Variants in FASN observed in about 807,000 individuals in gnomAD.
FASN encodes 3-hydroxyacyl-[acyl-carrier-protein] dehydratase.
In FASN, 50 loss-of-function variants were observed where a neutral mutation model predicts 250.0. That is an observed-to-expected ratio of 0.20 (90% CI 0.16 to 0.25). The LOEUF (loss-of-function observed/expected upper bound fraction) is 0.25. Among genes scored for constraint, FASN ranks in the 10% least tolerant of loss-of-function variants. The pLI is 1.00. For missense variants in FASN, 3,031 were observed against 3,498.5 expected (o/e 0.87, Z 3.37); for synonymous variants, 1,909 against 1,584.0 (o/e 1.21, Z -4.87).
At position 82,089,661 on chromosome 17, in the gene FASN, T is replaced by C; in HGVS notation, c.1936A>G (p.Lys646Glu). Residue 646 changes from lysine (K) to glutamate (E), a missense_variant, in exon 12 of 43, where the codon AAG becomes GAG. By Grantham distance (56) the Lys-to-Glu change is moderately conservative (BLOSUM62 1). Transcript: ENST00000306749. ...GGTCCCGAGATGGTGACTGTGTCCT[T>C]GGAGTTGTGGCAGGCGGGCACCACG... is the stretch of plus-strand genomic sequence containing the variant. ...PGVVPACHNSKDTVTISGPQA... is the reference protein window; with the variant it reads ...PGVVPACHNSEDTVTISGPQA... The C allele has an allele frequency of 1.9e-6, 3 of 1,605,554 alleles. No individual in the cohort carries two copies. Among genetic ancestry groups the C allele is most frequent in the African/African-American group, 2.7e-5 (2 of 74,932 alleles).
chr17:82,081,265 G>A lies in FASN; in HGVS notation c.6494C>T (p.Thr2165Met), dbSNP rs745914935. The change falls in exon 38 of 43, where the codon ACG becomes ATG. Residue 2165 changes from threonine to methionine, a missense_variant. By Grantham distance (81) the Thr-to-Met change is moderately conservative. Transcript: ENST00000306749. ...CACCAGGTTGAGCTCACGCTCCAGCGTCTGGCGCACCTCCACGCTCATGAG... is the reference window on the plus strand; with the variant it reads ...CACCAGGTTGAGCTCACGCTCCAGCATCTGGCGCACCTCCACGCTCATGAG... ...DSLMSVEVRQ[T>M]LERELNLVLS... 23 of 1,570,704 alleles carry A rather than the reference G, an allele frequency of 1.5e-5. No homozygotes were observed. The highest frequency in any genetic ancestry group is 7.5e-5 in the Admixed American group (4 of 53,420).
At chr17:82,080,008 G>T in intron 41 of FASN, 132 bp downstream of exon 41, 1 of 1,014,176 alleles carries the variant, frequency 9.9e-7, no homozygotes, top group Admixed American at 1.8e-5. Context: ...GCATCCGGCC[G>T]GGATCGGCTA....
At position 82,095,199 on chromosome 17, in the gene FASN, C is replaced by T. The variant is rs1598585172; in HGVS notation, c.280+121G>A. The T allele has an allele frequency of 3.1e-6, 4 of 1,270,722 alleles. No individual in the cohort carries two copies. The South Asian group carries it at 3.6e-5, about 11-fold the overall frequency. 78.7% of individuals were successfully genotyped at this position (1,270,722 alleles called of 1,614,324 possible). A position where few individuals can be genotyped will look rare whatever the true frequency, so the allele number is the denominator to read the frequency against. On this transcript the variant is annotated intron_variant, in intron 3 of 42. Transcript: ENST00000306749. ...GAGCCCGTTGGCCAGGCCAGGGGCA[C>T]AGCCGGGGAGGGTAGGTGGTGCCAG...
At chr17:82,088,602 G>C (rs749211260) in intron 15 of FASN, 40 bp from the exon 16 acceptor site, 1 of 1,589,446 alleles carries the variant, frequency 6.3e-7, no homozygotes, top group Admixed American at 1.7e-5. Flanking sequence ...CCCGTCACCG[G>C]GGTCCAGGGG....
chr17:82,087,687 T>C lies in FASN; in HGVS notation c.3041A>G (p.Glu1014Gly). 1 of 1,611,360 alleles carries C rather than the reference T, an allele frequency of 6.2e-7. No individual in the cohort carries two copies. Among genetic ancestry groups the C allele is most frequent in the Non-Finnish European group, 8.5e-7 (1 of 1,179,970 alleles). Residue 1014 changes from glutamate to glycine, a missense_variant and splice_region_variant, in exon 19 of 43, where the codon GAA becomes GGA. Transcript: ENST00000306749. Reference protein sequence around the residue: ...HFQGILEASLEGDSGRLLWKD... With the variant: ...HFQGILEASLGGDSGRLLWKD... ...GCAGCAGTGTAGTCAGTACCCACCT[T>C]CCAGGCTGGCCTCCAGGATGCCCTG...
chr17:82,095,226 A>G, intron 3 of FASN, 94 bp downstream of exon 3: 1 of 1,416,898 alleles, frequency 7.1e-7, no homozygotes, highest in South Asian at 1.1e-5. Flanking sequence ...TGGTGCCAGC[A>G]CCTGGTTCTA....
Position 82,083,542 on chromosome 17 carries a change from GA to G in FASN, c.5315del (p.Phe1772SerfsTer15). The G allele has an allele frequency of 6.2e-7, 1 of 1,612,822 alleles. No individual in the cohort carries two copies. The highest frequency in any genetic ancestry group is 8.5e-7 in the Non-Finnish European group (1 of 1,179,998). ...THGRFLEIGK[F>X]DLSQNHPLGM... ...CGAGCGGGTGGTTCTGAGAAAGGTC[GA>G]ATTTGCCAATTTCCAGGAAGCGACC... On this transcript the variant is annotated frameshift_variant, in exon 31 of 43. Transcript: ENST00000306749. LOFTEE classifies it high-confidence loss of function.
rs781468575 is a variant in FASN, at chr17:82,093,579, G to A, written c.454+19C>T. 43 of 1,612,632 alleles carry A rather than the reference G, an allele frequency of 2.7e-5. No homozygotes were observed. In the South Asian group the frequency reaches 4.0e-4, roughly 15 times the overall value. On this transcript the variant is annotated intron_variant, in intron 4 of 42. Coordinates refer to ENST00000306749, the MANE Select transcript of FASN (RefSeq NM_004104.5). ...ACCTGAAGGCCACCCACCTCCGCAGGAGGCTGGGCAGGACCCACCTCTGAA... is the reference window on the plus strand; with the variant it reads ...ACCTGAAGGCCACCCACCTCCGCAGAAGGCTGGGCAGGACCCACCTCTGAA...
intron 3 of FASN, chr17:82,094,099 T>C (rs2034264315): frequency 4.4e-6 from 2 of 450,660 alleles, no homozygotes; most frequent in Admixed American, 3.4e-5. Flanking sequence ...GAGGGCAGCA[T>C]TGTCCCCAGG....
intron 42 of FASN, 33 bp from the exon 43 acceptor site, chr17:82,079,313 C>T (rs1231435567): frequency 1.9e-6 from 3 of 1,612,910 alleles, no homozygotes; most frequent in Non-Finnish European, 1.7e-6. Flanking sequence ...CCGTCCCACC[C>T]CACTCCTGTC....
chr17:82,086,953 G>A, intron 21 of FASN, 97 bp downstream of exon 21: 1 of 1,433,458 alleles, frequency 7.0e-7, no homozygotes, highest in Non-Finnish European at 9.6e-7. Flanking sequence ...GACCCCAAAG[G>A]GGGCCCCGTG....
chr17:82,088,610 G>C, intron 15 of FASN, 48 bp from the exon 16 acceptor site: 1 of 1,584,828 alleles, frequency 6.3e-7, no homozygotes, highest in East Asian at 2.3e-5. Flanking sequence ...CGGGGTCCAG[G>C]GGCTCTGGGT....
chr17:82,096,093 A>G (rs1227370205), intron 2 of FASN, among the ~76,000 whole-genome samples: 1 of 152,056 alleles, frequency 6.6e-6, no homozygotes, highest in African/African-American at 2.4e-5. Context: ...CGTTGAGGGA[A>G]CCTCCTGGCA....
intron 36 of FASN, 48 bp from the exon 37 acceptor site, chr17:82,081,891 GGGAGT>G: frequency 4.3e-5 from 20 of 467,766 alleles, no homozygotes; most frequent in Non-Finnish European, 6.5e-5. Context: ...GGTCGGGGTG[GGGAGT>G]GGCCACTGGG....
Position 82,085,248 on chromosome 17 carries a change from T to C in FASN, c.4277A>G (p.Glu1426Gly), listed in dbSNP as rs987534686. 1.2e-6 allele frequency: 2 copies of C among 1,611,682 alleles called. No homozygotes were observed. The highest frequency in any genetic ancestry group is 1.7e-5 in the Admixed American group (1 of 59,956). Residue 1426 changes from glutamate (E) to glycine (G), a missense_variant, in exon 24 of 43, where the codon GAG becomes GGG. Transcript: ENST00000306749. ...GGGGCAGGGCCTGACCTTCAGAGAC[T>C]CCACCCAGCGGAAGCTGGTATCGTC... ...PVDDTSFRWV[E>G]SLKGILADED...
chr17:82,082,507 C>T lies in FASN; in HGVS notation c.5919+20G>A, dbSNP rs979103816. ...TTGGTCTTGGGGCTTTTGAGGGCCC[C>T]ATTTGGGGCCTTCCCTCACCACGGC... On this transcript the variant is annotated intron_variant, in intron 34 of 42. Transcript: ENST00000306749. 6.2e-7 allele frequency: 1 copy of T among 1,609,400 alleles called. No homozygotes were observed. The highest frequency in any genetic ancestry group is 1.1e-5 in the South Asian group (1 of 91,080).
intron 12 of FASN, 99 bp downstream of exon 12, chr17:82,089,533 C>G: frequency 1.3e-6 from 2 of 1,550,082 alleles, no homozygotes; most frequent in Non-Finnish European, 1.8e-6. Flanking sequence ...CCAGGCCCGT[C>G]AGAGCTTGGT....
At chr17:82,096,571 C>T (rs1037726843) in intron 1 of FASN, 119 bp from the exon 2 acceptor site, 52 of 1,470,648 alleles carry the variant, frequency 3.5e-5, no homozygotes, top group Middle Eastern at 3.6e-4. Context: ...AGGGTCCGTG[C>T]GGGCCCTGGC....
Position 82,088,371 on chromosome 17 carries a change from C to A in FASN, c.2593+19G>T. The A allele has an allele frequency of 6.2e-7, 1 of 1,611,674 alleles. No individual in the cohort carries two copies. The highest frequency in any genetic ancestry group is 8.5e-7 in the Non-Finnish European group (1 of 1,179,724). ...TGTGGGGAGGGAAGAGTCTGCCCACCCGCCGGGCCCCTGCTCACCGATGTT... is the reference window on the plus strand; with the variant it reads ...TGTGGGGAGGGAAGAGTCTGCCCACACGCCGGGCCCCTGCTCACCGATGTT... On this transcript the variant is annotated intron_variant, in intron 16 of 42. Transcript: ENST00000306749.
Sources: allele counts gnomAD v4.1 joint callset (sites outside exome capture counted in the v4.1 genomes callset), GRCh38; gene constraint gnomAD v4.1.1; transcripts MANE v1.5; gene names NCBI Gene and HGNC (gene_info 2026-07-23, HGNC 2026-07-21).